SLC35B4: variants seen among roughly 807,000 people sequenced by gnomAD.
SLC35B4 encodes the protein solute carrier family 35 member B4.
In SLC35B4, 28 loss-of-function variants were observed where a neutral mutation model predicts 39.5. The observed-to-expected ratio is 0.71, with a 90% CI of 0.53 to 0.97. SLC35B4 has a LOEUF of 0.97. SLC35B4 is among the 50% of genes least tolerant of loss of function. The pLI is 0.00. For missense variants in SLC35B4, 334 were observed against 414.3 expected, an observed-to-expected ratio of 0.81 and a Z score of 1.68; for synonymous variants, 145 against 150.4, an observed-to-expected ratio of 0.96 and a Z score of 0.26.
intron 9 of SLC35B4, 128 bp from the exon 10 acceptor site, chr7:134,295,207 T>C: frequency 8.2e-7 from 1 of 1,224,966 alleles, no homozygotes; most frequent in Non-Finnish European, 1.1e-6. Context: ...CTACGGCAGC[T>C]CTGAGGCTCC....
intron 1 of SLC35B4, among the ~76,000 whole-genome samples, chr7:134,310,139 T>C (rs1191202533): frequency 6.6e-6 from 1 of 152,174 alleles, no homozygotes; most frequent in Non-Finnish European, 1.5e-5. Flanking sequence ...CTAAAAAGTA[T>C]TCTGGAGGAG....
intron 8 of SLC35B4, among the ~76,000 whole-genome samples, chr7:134,298,090 G>T (rs1803505721): frequency 6.6e-6 from 1 of 152,124 alleles, no homozygotes; most frequent in Admixed American, 6.5e-5. Context: ...CTGAGATCTG[G>T]TAAGAAATAT....
intron 1 of SLC35B4, among the ~76,000 whole-genome samples, chr7:134,314,829 T>C (rs1803933033): frequency 6.6e-6 from 1 of 152,218 alleles, no homozygotes. Flanking sequence ...CCACCATGCC[T>C]GGCCAACTTT....
At chr7:134,314,859 T>G (rs1418122944) in intron 1 of SLC35B4, among the ~76,000 whole-genome samples, 2 of 152,194 alleles carry the variant, frequency 1.3e-5, no homozygotes, top group Non-Finnish European at 1.5e-5. Flanking sequence ...TCAAATCAAT[T>G]GTTGCCAAAG....
chr7:134,300,296 A>T, intron 6 of SLC35B4, 35 bp from the exon 7 acceptor site: 1 of 1,431,410 alleles, frequency 7.0e-7, no homozygotes, highest in African/African-American at 1.4e-5. Context: ...AGATGTCTGC[A>T]TTTGTTCATT....
intron 3 of SLC35B4, among the ~76,000 whole-genome samples, chr7:134,305,556 C>A (rs1258945327): frequency 6.6e-6 from 1 of 152,132 alleles, no homozygotes; most frequent in Non-Finnish European, 1.5e-5. Flanking sequence ...GTGCTGAAGC[C>A]AGGGCTAGCA....
At chr7:134,319,170 A>G (rs769078011), upstream of SLC35B4, among the ~76,000 whole-genome samples, 1 of 152,164 alleles carries the variant, frequency 6.6e-6, no homozygotes, top group Non-Finnish European at 1.5e-5. Flanking sequence ...TCATTTTACC[A>G]TCAACTCTCT....
chr7:134,309,527 T>C (rs548516284), intron 1 of SLC35B4, 48 bp from the exon 2 acceptor site: 2 of 1,248,340 alleles, frequency 1.6e-6, no homozygotes, highest in East Asian at 2.4e-5. Flanking sequence ...AAAACTGAGA[T>C]ACAGAACACT....
intron 4 of SLC35B4, among the ~76,000 whole-genome samples, chr7:134,304,490 GT>G (rs1310812032): frequency 3.3e-5 from 5 of 152,194 alleles, no homozygotes; most frequent in Non-Finnish European, 7.3e-5. Flanking sequence ...CACGTGGCTA[GT>G]GGTGACCATA....
At chr7:134,307,565 T>C (rs1373681244) in intron 2 of SLC35B4, among the ~76,000 whole-genome samples, 1 of 152,224 alleles carries the variant, frequency 6.6e-6, no homozygotes, top group African/African-American at 2.4e-5. Flanking sequence ...CTCAACTTCC[T>C]ATATTGAGTA....
At position 134,309,430 on chromosome 7, in the gene SLC35B4, T is replaced by C; in HGVS notation, c.127A>G (p.Ile43Val). The C allele has an allele frequency of 6.2e-7, 1 of 1,611,618 alleles. No individual in the cohort carries two copies. Among genetic ancestry groups the C allele is most frequent in the Non-Finnish European group, 8.5e-7 (1 of 1,179,634 alleles). Residue 43 changes from isoleucine (I) to valine (V), a missense_variant, in exon 2 of 10, where the codon ATT becomes GTT. Physicochemically the swap from Ile to Val is conservative, Grantham distance 29. Transcript: ENST00000378509. ...TCAAAGAGGAAGCCTTCCACAGCAA[T>C]AAATAAAAATTGTGCAAATGTCACA... The part of the protein sequence containing the change: ...NIVTFAQFLF[I>V]AVEGFLFEAD...
intron 6 of SLC35B4, among the ~76,000 whole-genome samples, chr7:134,301,228 T>C (rs1046144526): frequency 2.6e-5 from 4 of 152,206 alleles, no homozygotes; most frequent in Admixed American, 2.0e-4. Context: ...TATCAAAAAA[T>C]GTGAGAACAA....
intron 9 of SLC35B4, 21 bp downstream of exon 9, chr7:134,296,370 A>G: frequency 6.2e-7 from 1 of 1,603,950 alleles, no homozygotes; most frequent in South Asian, 1.1e-5. Context: ...CATAAGGGTG[A>G]CGGCACAGTC....
At chr7:134,303,206 A>C (rs1298380036) in intron 4 of SLC35B4, among the ~76,000 whole-genome samples, 1 of 152,172 alleles carries the variant, frequency 6.6e-6, no homozygotes, top group African/African-American at 2.4e-5. Context: ...ACACACAGAA[A>C]AGAGAGTCAA....
chr7:134,313,248 TCTTA>T (rs887824974), intron 1 of SLC35B4, among the ~76,000 whole-genome samples: 3 of 152,244 alleles, frequency 2.0e-5, no homozygotes, highest in African/African-American at 7.2e-5. Context: ...AAACAGTTTC[TCTTA>T]CTTTGAATTC....
chr7:134,318,697 C>T (rs1804049455), upstream of SLC35B4, among the ~76,000 whole-genome samples: 1 of 152,018 alleles, frequency 6.6e-6, no homozygotes, highest in South Asian at 2.1e-4. Context: ...CCATATATGC[C>T]ACTAATTTGG....
At chr7:134,309,260 T>C (rs113523917) in intron 2 of SLC35B4, 106 bp downstream of exon 2, 9,285 of 625,094 alleles carry the variant, frequency 0.015, 202 homozygotes, top group African/African-American at 0.067. Flanking sequence ...CTGGTATCTT[T>C]GAAATAAATC....
intron 9 of SLC35B4, among the ~76,000 whole-genome samples, chr7:134,295,944 C>G (rs1803456120): frequency 6.6e-6 from 1 of 152,164 alleles, no homozygotes; most frequent in Non-Finnish European, 1.5e-5. Flanking sequence ...ATTCTCCTGC[C>G]TCAGCCTATG....
chr7:134,297,756 C>T (rs1803498524), intron 8 of SLC35B4, among the ~76,000 whole-genome samples: 1 of 152,186 alleles, frequency 6.6e-6, no homozygotes, highest in Non-Finnish European at 1.5e-5. Flanking sequence ...TAGTTTTAGG[C>T]CAGGAGTAGT....
Sources: allele counts gnomAD v4.1 joint callset (sites outside exome capture counted in the v4.1 genomes callset), GRCh38; gene constraint gnomAD v4.1.1; transcripts MANE v1.5; gene names NCBI Gene and HGNC (gene_info 2026-07-23, HGNC 2026-07-21).